SGIP1: variants seen among roughly 807,000 people sequenced by gnomAD.
The protein encoded by SGIP1 is SH3GL interacting endocytic adaptor 1.
In SGIP1, 38 loss-of-function variants were observed where a neutral mutation model predicts 107.5. The observed-to-expected ratio is 0.35, with a 90% confidence interval of 0.27 to 0.46. SGIP1 has a LOEUF of 0.46. SGIP1 is among the 20% of genes least tolerant of loss of function. The pLI, the probability that SGIP1 is intolerant of heterozygous loss-of-function variation, is 1.00. For missense variants in SGIP1, 929 were observed against 1,019.5 expected (o/e 0.91, Z 1.21); for synonymous variants, 365 against 366.1 (o/e 1.00, Z 0.03).
At chr1:66,583,986 A>G (rs1413059850) in intron 1 of SGIP1, among the ~76,000 whole-genome samples, 1 of 152,164 alleles carries the variant, frequency 6.6e-6, no homozygotes, top group Non-Finnish European at 1.5e-5. Context: ...TTCCAACAGG[A>G]AGCCAGTGAT....
rs1157995033 is a variant in SGIP1, at chr1:66,582,248, A to G, written c.11-43599A>G. ...GTGGACTAGAATAGTAATGGGATAGATAATGTAAAACATTATTTGTATAAC... is the reference window on the plus strand; with the variant it reads ...GTGGACTAGAATAGTAATGGGATAGGTAATGTAAAACATTATTTGTATAAC... On this transcript the variant is annotated intron_variant, in intron 1 of 24. Coordinates refer to ENST00000371037, the MANE Select transcript of SGIP1 (RefSeq NM_032291.4). Among the ~76,000 whole-genome samples the G allele has an allele frequency of 2.0e-5, 3 of 152,132 alleles. No homozygotes were observed. In the East Asian group the frequency reaches 5.8e-4, roughly 29 times the overall value.
rs1181789276 is a variant in SGIP1, at chr1:66,732,213, T to G, written c.1899-1535T>G. On this transcript the variant is annotated intron_variant, in intron 20 of 24. Transcript: ENST00000371037. The stretch of plus-strand genomic sequence containing the variant: ...TTAATTCTGAACCTCTATTTTGGCA[T>G]GGTGTGAAAGTGTTATTTGTAGAAC... 3.3e-5 allele frequency among the ~76,000 whole-genome samples: 5 copies of G among 152,202 alleles called. No individual in the cohort carries two copies. In the South Asian group the frequency reaches 1.0e-3, roughly 31 times the overall value.
chr1:66,564,791 C>A (rs183574868), intron 1 of SGIP1, among the ~76,000 whole-genome samples: 291 of 152,008 alleles, frequency 1.9e-3, no homozygotes, highest in Non-Finnish European at 3.5e-3. Flanking sequence ...AGGGTAGTTA[C>A]TTCAGTCCCC....
At chr1:66,534,029 G>A (rs2052985725), upstream of SGIP1, 3 of 428,482 alleles carry the variant, frequency 7.0e-6, no homozygotes, top group Non-Finnish European at 1.3e-5. Context: ...TGCTCTCCGG[G>A]GGTATTGTGT....
intron 2 of SGIP1, among the ~76,000 whole-genome samples, chr1:66,627,779 G>C (rs773449783): frequency 6.6e-6 from 1 of 152,072 alleles, no homozygotes; most frequent in Non-Finnish European, 1.5e-5. Flanking sequence ...TTAAGTTCTA[G>C]GGTACAATGT....
intron 19 of SGIP1, among the ~76,000 whole-genome samples, chr1:66,719,999 T>C (rs2093443561): frequency 6.6e-6 from 1 of 152,180 alleles, no homozygotes; most frequent in African/African-American, 2.4e-5. Context: ...TTCACCACTT[T>C]CTATTTACAT....
chr1:66,690,986 A>T (rs2089707694), intron 17 of SGIP1, among the ~76,000 whole-genome samples: 1 of 152,016 alleles, frequency 6.6e-6, no homozygotes, highest in African/African-American at 2.4e-5. Flanking sequence ...TCAATGCTTC[A>T]TTTTGCCTGG....
At chr1:66,580,937 G>A (rs553960107) in intron 1 of SGIP1, among the ~76,000 whole-genome samples, 55 of 152,222 alleles carry the variant, frequency 3.6e-4, no homozygotes, top group African/African-American at 1.2e-3. Flanking sequence ...GTTTCTAAGT[G>A]TTATGCTAAA....
chr1:66,645,710 G>C (rs948457131), intron 7 of SGIP1, among the ~76,000 whole-genome samples: 1 of 152,160 alleles, frequency 6.6e-6, no homozygotes, highest in Non-Finnish European at 1.5e-5. Context: ...TTTAGGAAAA[G>C]GTGAGCAGGT....
At chr1:66,571,323 A>G (rs1185168516) in intron 1 of SGIP1, among the ~76,000 whole-genome samples, 1 of 152,048 alleles carries the variant, frequency 6.6e-6, no homozygotes, top group Non-Finnish European at 1.5e-5. Context: ...AAGAATCATT[A>G]CAACCTAGTA....
intron 8 of SGIP1, among the ~76,000 whole-genome samples, chr1:66,665,541 C>T (rs994725554): frequency 8.5e-5 from 13 of 152,144 alleles, no homozygotes; most frequent in African/African-American, 2.4e-4. Flanking sequence ...CTTGAGGAAT[C>T]GCCACACTGC....
At position 66,747,592 on chromosome 1, in the gene SGIP1, G is replaced by A. The variant is rs1050294278; in HGVS notation, c.*4497G>A. 4 of 151,886 alleles carry A rather than the reference G, an allele frequency of 2.6e-5. No homozygotes were observed. The highest frequency in any genetic ancestry group is 7.2e-5 in the African/African-American group (3 of 41,402). The allele number at this position is 151,886 out of a possible 1,614,324, so 9.4% of individuals were successfully genotyped here. ...TAATCAATGTTTCCTTCTTTGCAAG[G>A]GACATTCAGATCTCTAACTTGTGAG... On this transcript the variant is annotated 3_prime_UTR_variant, in exon 25 of 25. Transcript: ENST00000371037.
intron 18 of SGIP1, among the ~76,000 whole-genome samples, chr1:66,699,346 A>G (rs184126446): frequency 6.6e-6 from 1 of 152,166 alleles, no homozygotes; most frequent in East Asian, 1.9e-4. Context: ...TATTGCTGTT[A>G]ACAGTTGACT....
chr1:66,699,228 A>T (rs574074798), intron 18 of SGIP1, among the ~76,000 whole-genome samples: 1 of 151,954 alleles, frequency 6.6e-6, no homozygotes, highest in Admixed American at 6.5e-5. Context: ...ATCGTTCATC[A>T]TGGGACTAGG....
intron 21 of SGIP1, among the ~76,000 whole-genome samples, chr1:66,734,658 C>G (rs2094155432): frequency 6.6e-6 from 1 of 151,840 alleles, no homozygotes; most frequent in Non-Finnish European, 1.5e-5. Flanking sequence ...GCATGCACCA[C>G]CAAGCCCTGC....
chr1:66,556,824 C>T (rs1266066396), intron 1 of SGIP1, among the ~76,000 whole-genome samples: 1 of 152,014 alleles, frequency 6.6e-6, no homozygotes, highest in East Asian at 1.9e-4. Flanking sequence ...GTTAGTTAAC[C>T]TTAATATTTT....
At chr1:66,583,141 T>G (rs563551567) in intron 1 of SGIP1, among the ~76,000 whole-genome samples, 15 of 152,214 alleles carry the variant, frequency 9.9e-5, no homozygotes, top group Admixed American at 7.9e-4. Flanking sequence ...GAGATATGTC[T>G]ATGCTATATA....
chr1:66,707,469 T>G (rs944247793), intron 18 of SGIP1, among the ~76,000 whole-genome samples: 1 of 152,204 alleles, frequency 6.6e-6, no homozygotes, highest in Non-Finnish European at 1.5e-5. Context: ...ACATCAAAAA[T>G]TCCAGAATTT....
chr1:66,571,443 T>C (rs746879512), intron 1 of SGIP1, among the ~76,000 whole-genome samples: 4 of 152,030 alleles, frequency 2.6e-5, no homozygotes, highest in African/African-American at 4.8e-5. Flanking sequence ...TATTTTTAAT[T>C]TAGTTAGCTT....
Sources: gnomAD v4.1 joint callset for allele counts (sites outside exome capture counted in the v4.1 genomes callset) on GRCh38, gnomAD v4.1.1 for gene constraint, MANE v1.5 for transcripts, NCBI Gene and HGNC (gene_info 2026-07-23, HGNC 2026-07-21) for gene names.